RBPJ: variants seen among roughly 807,000 people sequenced by gnomAD.
RBPJ encodes the protein recombination signal binding protein for immunoglobulin kappa J region, also known as recombining binding protein suppressor of hairless.
In RBPJ, 9 loss-of-function variants were observed where a neutral mutation model predicts 67.8. The observed-to-expected ratio is 0.13, with a 90% CI of 0.08 to 0.23. The LOEUF (loss-of-function observed/expected upper bound fraction) is 0.23. RBPJ is among the 10% of genes least tolerant of loss of function. The pLI is 1.00. For synonymous variants in RBPJ, 198 were observed against 203.3 expected (o/e 0.97, Z 0.22); for missense variants, 305 against 595.6 (o/e 0.51, Z 5.08).
chr4:26,110,288 T>C, the RBPJ span, among the ~76,000 whole-genome samples: 1 of 152,152 alleles, frequency 6.6e-6, no homozygotes, highest in East Asian at 1.9e-4. This position sits in a 1 kb window ranked among gnomAD's most constrained non-coding sequence, Gnocchi z 4.5. Context: ...GAGGAGGGGA[T>C]GGAGGACACG....
In RBPJ at chr4:26,338,449, C is replaced by T. The variant is rs182050228; in HGVS notation, c.20+17401C>T. Among the ~76,000 whole-genome samples the T allele has an allele frequency of 9.5e-4, 142 of 150,142 alleles. 2 individuals carry two copies. Among genetic ancestry groups the T allele is most frequent in the African/African-American group, 3.2e-3 (130 of 40,914 alleles). On this transcript the variant is annotated intron_variant, in intron 1 of 10. Coordinates refer to ENST00000355476, the MANE Select transcript of RBPJ (RefSeq NM_015874.6). ...GATTACGGGTGTGAGCCACTGCGCC[C>T]GGCCTCTTACATGTATTTTTCTTCC...
chr4:26,195,894 G>A (rs544162856), intron 1 of RBPJ, among the ~76,000 whole-genome samples: 159 of 152,192 alleles, frequency 1.0e-3, no homozygotes, highest in African/African-American at 3.3e-3. Context: ...GCACCTGGCC[G>A]TGTGTTTTGT....
At chr4:26,346,147 C>T (rs1010392648) in intron 1 of RBPJ, among the ~76,000 whole-genome samples, 1 of 152,162 alleles carries the variant, frequency 6.6e-6, no homozygotes, top group Non-Finnish European at 1.5e-5. Flanking sequence ...TTCATCATCT[C>T]ACTCCCAAAA....
chr4:26,407,000 C>G (rs1180596218), intron 3 of RBPJ, among the ~76,000 whole-genome samples: 1 of 152,176 alleles, frequency 6.6e-6, no homozygotes, highest in Non-Finnish European at 1.5e-5. Flanking sequence ...TCTACATACA[C>G]TCAAGCCAGA....
chr4:26,164,308 A>G (rs569400384), intron 1 of RBPJ, among the ~76,000 whole-genome samples: 33 of 152,350 alleles, frequency 2.2e-4, no homozygotes, highest in African/African-American at 7.9e-4. Context: ...CATATACATT[A>G]CAATAGTATG....
At chr4:26,223,154 CAAA>C (rs549173084) in intron 1 of RBPJ, among the ~76,000 whole-genome samples, 10 of 99,660 alleles carry the variant, frequency 1.0e-4, no homozygotes, top group Admixed American at 2.3e-4. Flanking sequence ...GACACTGTCT[CAAA>C]AAAAAAAAAA....
chr4:26,289,929 G>T (rs930495240), intron 1 of RBPJ, among the ~76,000 whole-genome samples: 1 of 150,702 alleles, frequency 6.6e-6, no homozygotes, highest in African/African-American at 2.4e-5. Flanking sequence ...TTGGCATCTT[G>T]TAACAGGTAC....
chr4:26,396,436 T>C (rs1455296104), intron 2 of RBPJ, among the ~76,000 whole-genome samples: 1 of 152,254 alleles, frequency 6.6e-6, no homozygotes, highest in Admixed American at 6.5e-5. Context: ...TCAACCAGGA[T>C]TAGAAATAGA....
chr4:26,254,887 A>G (rs1241916042), intron 1 of RBPJ, among the ~76,000 whole-genome samples: 1 of 87,750 alleles, frequency 1.1e-5, no homozygotes, highest in African/African-American at 5.2e-5. Flanking sequence ...TTTTGCAGAG[A>G]CAAGGTTTCA....
At chr4:26,399,464 C>T (rs1351801214) in intron 2 of RBPJ, among the ~76,000 whole-genome samples, 2 of 151,724 alleles carry the variant, frequency 1.3e-5, no homozygotes, top group Non-Finnish European at 2.9e-5. Flanking sequence ...AGCACATGAG[C>T]TTATCTTACC....
chr4:26,335,918 C>CT (rs1560274679), intron 1 of RBPJ, among the ~76,000 whole-genome samples: 1 of 152,114 alleles, frequency 6.6e-6, no homozygotes, highest in Non-Finnish European at 1.5e-5. Flanking sequence ...CCACCACGCC[C>CT]GGCAATGCTT....
chr4:26,174,091 G>C (rs1716709986), intron 1 of RBPJ, among the ~76,000 whole-genome samples: 1 of 152,194 alleles, frequency 6.6e-6, no homozygotes, highest in South Asian at 2.1e-4. Flanking sequence ...TTCTTCAACA[G>C]GACGGTTGCT....
intron 1 of RBPJ, among the ~76,000 whole-genome samples, chr4:26,349,726 C>T (rs1726597530): frequency 6.6e-6 from 1 of 152,300 alleles, no homozygotes; most frequent in East Asian, 1.9e-4. Flanking sequence ...AGGAGATAAA[C>T]AGCAGACCTC....
At chr4:26,361,746 G>A (rs1434824451) in intron 1 of RBPJ, among the ~76,000 whole-genome samples, 1 of 152,152 alleles carries the variant, frequency 6.6e-6, no homozygotes, top group Admixed American at 6.5e-5. Context: ...TAAAAGCAGT[G>A]TGAATTCTTA....
chr4:26,186,481 C>T (rs1246952017), intron 1 of RBPJ, among the ~76,000 whole-genome samples: 1 of 152,202 alleles, frequency 6.6e-6, no homozygotes, highest in East Asian at 1.9e-4. Context: ...GCAAACTAGT[C>T]TGAAGGGCAA....
At chr4:26,319,355 A>G (rs953061424), upstream of RBPJ, among the ~76,000 whole-genome samples, 1 of 151,752 alleles carries the variant, frequency 6.6e-6, no homozygotes, top group Non-Finnish European at 1.5e-5. Flanking sequence ...ATCCAGCGTC[A>G]CAGGGCGTGT....
chr4:26,270,366 AAAG>A (rs1460725160), intron 1 of RBPJ, among the ~76,000 whole-genome samples: 6 of 28,154 alleles, frequency 2.1e-4, no homozygotes, highest in African/African-American at 4.0e-4. Flanking sequence ...AGAAAGAAAG[AAAG>A]AAAGAAAGAA....
chr4:26,184,672 A>G (rs1002704175), intron 1 of RBPJ, among the ~76,000 whole-genome samples: 3 of 152,252 alleles, frequency 2.0e-5, no homozygotes, highest in East Asian at 1.9e-4. Context: ...GTCAATCCTC[A>G]TAACAGATTG....
chr4:26,270,693 A>G (rs1720890780), intron 1 of RBPJ, among the ~76,000 whole-genome samples: 2 of 151,720 alleles, frequency 1.3e-5, no homozygotes, highest in Admixed American at 1.3e-4. Context: ...ACCCAGGTCC[A>G]GTTAGCATGG....
Sources: gnomAD v4.1 joint callset for allele counts (sites outside exome capture counted in the v4.1 genomes callset) on GRCh38, gnomAD v4.1.1 for gene constraint, Gnocchi (gnomAD v3.1) non-coding constraint, MANE v1.5 for transcripts, NCBI Gene and HGNC (gene_info 2026-07-23, HGNC 2026-07-21) for gene names.